TUSC3: variants seen among roughly 807,000 people sequenced by gnomAD.
TUSC3 encodes the protein dolichyl-diphosphooligosaccharide--protein glycosyltransferase subunit TUSC3.
Under a neutral mutation model 44.8 loss-of-function variants are expected in TUSC3, and 45 were observed. The ratio of observed to expected loss-of-function variants is 1.00; its 90% CI spans 0.79 to 1.29. The LOEUF is 1.29. TUSC3 is among the 50% of genes most tolerant of loss of function. The pLI, the probability that TUSC3 is intolerant of heterozygous loss-of-function variation, is 0.00. For synonymous variants in TUSC3, 212 were observed against 152.9 expected, an observed-to-expected ratio of 1.39 and a Z score of -2.85; for missense variants, 519 against 437.9, an observed-to-expected ratio of 1.19 and a Z score of -1.65.
chr8:15,815,529 A>G, the TUSC3 span, among the ~76,000 whole-genome samples: 1 of 152,170 alleles, frequency 6.6e-6, no homozygotes, highest in Non-Finnish European at 1.5e-5. Context: ...AGCCAAAACA[A>G]TATGTAGGAG....
At chr8:15,484,155 C>A (rs762290094) in intron 2 of TUSC3, among the ~76,000 whole-genome samples, 2 of 151,930 alleles carry the variant, frequency 1.3e-5, no homozygotes, top group African/African-American at 4.8e-5. Context: ...CATGATTCAC[C>A]TCTTAAATTA....
rs118189519 is a variant in TUSC3, at chr8:15,532,245, G to A, written n.189+48762G>A. The stretch of plus-strand genomic sequence containing the variant: ...ACTTGGGAAATTTTAAAGAATAACA[G>A]ATCAAAAAATTCATTTTCTTGATAT... On this transcript the variant is annotated intron_variant and non_coding_transcript_variant, in intron 2 of 5. Transcript: ENST00000503191. Among the ~76,000 whole-genome samples the A allele has an allele frequency of 1.2e-4, 18 of 152,146 alleles. No homozygotes were observed. The East Asian group carries it at 3.1e-3, about 26-fold the overall frequency.
At chr8:15,741,864 T>C (rs1811213614) in intron 7 of TUSC3, among the ~76,000 whole-genome samples, 1 of 152,146 alleles carries the variant, frequency 6.6e-6, no homozygotes, top group African/African-American at 2.4e-5. Flanking sequence ...TAAGGATCCA[T>C]ATCAGTCACA....
intron 3 of TUSC3, among the ~76,000 whole-genome samples, chr8:15,651,840 C>G (rs761458497): frequency 1.3e-5 from 2 of 152,294 alleles, no homozygotes; most frequent in South Asian, 4.1e-4. Flanking sequence ...TCATTATCAT[C>G]GATGTTGTCA....
intron 1 of TUSC3, among the ~76,000 whole-genome samples, chr8:15,598,066 A>G (rs1346122622): frequency 6.6e-6 from 1 of 152,020 alleles, no homozygotes. Flanking sequence ...TGCTTTGAGA[A>G]TCAAGTTATT....
rs556226166 is a variant in TUSC3, at chr8:15,556,559, G to C, written c.138+15991G>C. On this transcript the variant is annotated intron_variant, in intron 1 of 10. Transcript: ENST00000503731. Reference sequence around the variant, plus strand: ...GGGTCAAATGGTATTTCCAGTTCTAGATCCCTGAGGAATCGCCACACTGAC... The same window carrying C: ...GGGTCAAATGGTATTTCCAGTTCTACATCCCTGAGGAATCGCCACACTGAC... 1.2e-3 allele frequency among the ~76,000 whole-genome samples: 178 copies of C among 149,044 alleles called. 1 individual carries two copies. The highest frequency in any genetic ancestry group is 1.5e-3 in the Admixed American group (22 of 14,906).
chr8:15,612,372 A>G (rs1007139937), intron 1 of TUSC3, among the ~76,000 whole-genome samples: 4 of 152,340 alleles, frequency 2.6e-5, no homozygotes, highest in African/African-American at 9.6e-5. Context: ...AGTAAAAAAT[A>G]TGAGATTAGT....
At chr8:15,419,071 C>T (rs1287296425) in intron 1 of TUSC3, among the ~76,000 whole-genome samples, 2 of 152,060 alleles carry the variant, frequency 1.3e-5, no homozygotes, top group African/African-American at 2.4e-5. Context: ...ATGTGGGCAC[C>T]ATATTACAAT....
intron 6 of TUSC3, among the ~76,000 whole-genome samples, chr8:15,720,486 GT>G (rs1166066391): frequency 4.6e-5 from 7 of 152,074 alleles, no homozygotes; most frequent in Admixed American, 6.6e-5. Flanking sequence ...ATCCTTACCA[GT>G]GCCATTTTTA....
At chr8:15,672,634 G>A (rs1381674150) in intron 5 of TUSC3, among the ~76,000 whole-genome samples, 1 of 152,016 alleles carries the variant, frequency 6.6e-6, no homozygotes, top group African/African-American at 2.4e-5. Context: ...GAGCACAGAA[G>A]GTTCTTGGGT....
chr8:15,824,739 C>G, the TUSC3 span, among the ~76,000 whole-genome samples: 3 of 152,160 alleles, frequency 2.0e-5, no homozygotes, highest in South Asian at 4.1e-4. Context: ...TACCCTAAAA[C>G]TTAAAGTGTA....
chr8:15,693,447 T>C (rs1246837721), intron 6 of TUSC3, among the ~76,000 whole-genome samples: 1 of 148,580 alleles, frequency 6.7e-6, no homozygotes, highest in Non-Finnish European at 1.5e-5. Context: ...AGTTCTTTTT[T>C]TTTTTTTTTT....
chr8:15,850,964 G>C, the TUSC3 span, among the ~76,000 whole-genome samples: 2 of 152,132 alleles, frequency 1.3e-5, no homozygotes, highest in Non-Finnish European at 2.9e-5. Context: ...TGAGTACTGA[G>C]AGCTGGTGAG....
the TUSC3 span, among the ~76,000 whole-genome samples, chr8:15,801,061 G>A: frequency 2.0e-5 from 3 of 152,162 alleles, no homozygotes; most frequent in Non-Finnish European, 4.4e-5. Flanking sequence ...TTCAGGGTGA[G>A]TTTGTAAAGT....
intron 1 of TUSC3, among the ~76,000 whole-genome samples, chr8:15,606,791 C>T (rs1375200774): frequency 6.6e-6 from 1 of 151,986 alleles, no homozygotes; most frequent in Non-Finnish European, 1.5e-5. Context: ...CTAAAGGAAA[C>T]ACACATTTAA....
At chr8:15,771,900 A>G in the TUSC3 span, among the ~76,000 whole-genome samples, 7 of 152,094 alleles carry the variant, frequency 4.6e-5, no homozygotes, top group Non-Finnish European at 8.8e-5. Flanking sequence ...CATCCTGGCT[A>G]ACACGGTGAA....
At chr8:15,454,835 C>T (rs1446272737) in intron 1 of TUSC3, among the ~76,000 whole-genome samples, 1 of 152,114 alleles carries the variant, frequency 6.6e-6, no homozygotes, top group Admixed American at 6.6e-5. Context: ...TGTCCATTTC[C>T]TTGCATGTAT....
intron 1 of TUSC3, 53 bp downstream of exon 1, chr8:15,540,621 G>T (rs1801651424): frequency 6.7e-7 from 1 of 1,484,154 alleles, no homozygotes; most frequent in Non-Finnish European, 9.0e-7. Context: ...GCCAGGGTGG[G>T]CCGCGTTGCC....
At chr8:15,597,295 C>G (rs138455835) in intron 1 of TUSC3, among the ~76,000 whole-genome samples, 2 of 152,214 alleles carry the variant, frequency 1.3e-5, no homozygotes, top group African/African-American at 4.8e-5. Flanking sequence ...CTTAAGAGAT[C>G]TAAACCAGTA....
Sources: gnomAD v4.1 joint callset for allele counts (sites outside exome capture counted in the v4.1 genomes callset) on GRCh38, gnomAD v4.1.1 for gene constraint, MANE v1.5 for transcripts, NCBI Gene and HGNC (gene_info 2026-07-23, HGNC 2026-07-21) for gene names.